The following PPP1R12A variants were observed in gnomAD, a reference collection of about 807,000 sequenced individuals.
The protein encoded by PPP1R12A is myosin binding subunit.
In PPP1R12A, 19 loss-of-function variants were observed where a neutral mutation model predicts 139.6. The ratio of observed to expected loss-of-function variants is 0.14; its 90% CI spans 0.09 to 0.20. The LOEUF is 0.20. PPP1R12A is among the 10% of genes least tolerant of loss of function. PPP1R12A has a pLI of 1.00. For missense variants in PPP1R12A, 925 were observed against 1,211.5 expected (o/e 0.76, Z 3.51); for synonymous variants, 427 against 420.6 (o/e 1.02, Z -0.19).
At chr12:79,822,254 T>G in intron 5 of PPP1R12A, 64 bp from the exon 6 acceptor site, 1 of 1,100,022 alleles carries the variant, frequency 9.1e-7, no homozygotes, top group Non-Finnish European at 1.3e-6. Context: ...ATGCCTTCAG[T>G]AATTCTGTAT....
At chr12:79,897,416 G>A (rs1885229123) in intron 1 of PPP1R12A, among the ~76,000 whole-genome samples, 1 of 152,120 alleles carries the variant, frequency 6.6e-6, no homozygotes, top group South Asian at 2.1e-4. Flanking sequence ...GGGAGAGTGG[G>A]AAGAGTTGAA....
chr12:79,849,279 T>A (rs1020536400), intron 2 of PPP1R12A, among the ~76,000 whole-genome samples: 1 of 151,962 alleles, frequency 6.6e-6, no homozygotes, highest in African/African-American at 2.4e-5. Context: ...TCCCAGCTAC[T>A]TGGAGGCTAA....
chr12:79,929,278 T>G (rs1378615156), intron 1 of PPP1R12A, among the ~76,000 whole-genome samples: 2 of 152,212 alleles, frequency 1.3e-5, no homozygotes. Context: ...CCTCCTGCTG[T>G]GTGGCCTTGT....
intron 22 of PPP1R12A, chr12:79,782,431 G>A: frequency 3.4e-6 from 1 of 294,102 alleles, no homozygotes; most frequent in Non-Finnish European, 6.7e-6. Context: ...AATTCTAGCT[G>A]TACAGCTTTC....
chr12:79,815,139 A>T (rs1875182987), intron 9 of PPP1R12A, among the ~76,000 whole-genome samples: 1 of 152,208 alleles, frequency 6.6e-6, no homozygotes, highest in South Asian at 2.1e-4. Flanking sequence ...CATTGCCATA[A>T]ATGTTGGCTA....
chr12:79,806,331 C>T lies in PPP1R12A; in HGVS notation c.1658G>A (p.Cys553Tyr), dbSNP rs1445738320. The T allele has an allele frequency of 5.6e-6, 9 of 1,612,216 alleles. No homozygotes were observed. Among genetic ancestry groups the T allele is most frequent in the Non-Finnish European group, 6.8e-6 (8 of 1,178,690 alleles). Reference protein sequence around the residue: ...VNEGSTYHKSCSFGRRQDDLI... With the variant: ...VNEGSTYHKSYSFGRRQDDLI... ...ATCATCTTGTCTTCTACCAAAGGAG[C>T]AACTAAACAAAAGAGTCATATCTAT... Residue 553 changes from cysteine (C) to tyrosine (Y), a missense_variant and splice_region_variant, in exon 13 of 25, where the codon TGC becomes TAC. This residue lies in a region of PPP1R12A where 403 missense variants were observed against 463.7 expected (regional missense o/e 0.87). Transcript: ENST00000450142.
chr12:79,895,323 G>GA lies in PPP1R12A; in HGVS notation c.238-22386dup, dbSNP rs201789491. Among the ~76,000 whole-genome samples the GA allele has an allele frequency of 8.5e-3, 1,268 of 148,756 alleles. 19 individuals are homozygous for GA. Among genetic ancestry groups the GA allele is most frequent in the African/African-American group, 0.029 (1,194 of 40,652 alleles). ...CCTGCAGATAATTTCAGGGTTCCTG[G>GA]AAAAAAAAACAGGAGAAACTCTAAG... On this transcript the variant is annotated intron_variant, in intron 1 of 24. Transcript: ENST00000450142.
At chr12:79,799,162 T>G (rs1452967820) in intron 14 of PPP1R12A, among the ~76,000 whole-genome samples, 2 of 152,338 alleles carry the variant, frequency 1.3e-5, no homozygotes, top group South Asian at 2.1e-4. Flanking sequence ...GTTTTGTTTT[T>G]TTTTGAGACA....
At chr12:79,804,566 A>T (rs1873584455) in intron 14 of PPP1R12A, among the ~76,000 whole-genome samples, 1 of 152,170 alleles carries the variant, frequency 6.6e-6, no homozygotes, top group Non-Finnish European at 1.5e-5. Context: ...GCACTTCAGT[A>T]GGCAACAGAG....
intron 2 of PPP1R12A, among the ~76,000 whole-genome samples, chr12:79,868,050 G>A (rs1240167436): frequency 2.6e-5 from 4 of 152,134 alleles, no homozygotes; most frequent in African/African-American, 9.7e-5. Flanking sequence ...TAGTAGAGAT[G>A]AGAAAGTTTC....
chr12:79,887,672 C>T (rs1198030506), intron 1 of PPP1R12A, among the ~76,000 whole-genome samples: 1 of 151,996 alleles, frequency 6.6e-6, no homozygotes, highest in Admixed American at 6.6e-5. Context: ...GGTTCACAAA[C>T]TCAGCTAGAG....
rs1418950334 is a variant in PPP1R12A, at chr12:79,911,658, G to C, written c.237+23037C>G. Among the ~76,000 whole-genome samples, 5 of 151,818 alleles carry C rather than the reference G, an allele frequency of 3.3e-5. No individual in the cohort carries two copies. In the East Asian group the frequency reaches 9.6e-4, roughly 29 times the overall value. The stretch of plus-strand genomic sequence containing the variant: ...AATATCTGTTTTACCTTGTTTAATG[G>C]AGCATCTCCCAAACATATCATAATT... On this transcript the variant is annotated intron_variant, in intron 1 of 24. Coordinates refer to ENST00000450142, the MANE Select transcript of PPP1R12A (RefSeq NM_002480.3).
At chr12:79,865,946 T>C (rs963400198) in intron 2 of PPP1R12A, among the ~76,000 whole-genome samples, 10 of 152,174 alleles carry the variant, frequency 6.6e-5, no homozygotes, top group African/African-American at 2.4e-4. Flanking sequence ...ACTGAGTTTC[T>C]TCACAGAATT....
At chr12:79,864,309 G>A (rs368545645) in intron 2 of PPP1R12A, among the ~76,000 whole-genome samples, 92 of 152,166 alleles carry the variant, frequency 6.0e-4, no homozygotes, top group African/African-American at 2.0e-3. Context: ...AAGACACAAC[G>A]TACCAGAATC....
At chr12:79,807,985 G>A (rs1416296371) in intron 11 of PPP1R12A, among the ~76,000 whole-genome samples, 2 of 151,666 alleles carry the variant, frequency 1.3e-5, no homozygotes, top group Non-Finnish European at 2.9e-5. Context: ...GCAGTGAGCC[G>A]AGATTGCGCC....
At chr12:79,864,759 A>T (rs1881773090) in intron 2 of PPP1R12A, among the ~76,000 whole-genome samples, 1 of 152,226 alleles carries the variant, frequency 6.6e-6, no homozygotes, top group African/African-American at 2.4e-5. Context: ...ACACCCTTCC[A>T]AGATTAAACT....
intron 2 of PPP1R12A, among the ~76,000 whole-genome samples, chr12:79,865,817 G>A (rs545548164): frequency 1.3e-5 from 2 of 152,252 alleles, no homozygotes; most frequent in South Asian, 4.1e-4. Flanking sequence ...GGAAATAAGA[G>A]AGGACACAAA....
At chr12:79,935,121 G>A (rs1413756298), upstream of PPP1R12A, 3 of 1,370,902 alleles carry the variant, frequency 2.2e-6, no homozygotes, top group South Asian at 1.7e-5. Context: ...CGGCCGAGCG[G>A]ACCTCCCTTC....
intron 1 of PPP1R12A, among the ~76,000 whole-genome samples, chr12:79,905,834 C>G (rs1389299430): frequency 6.6e-6 from 1 of 152,046 alleles, no homozygotes; most frequent in Non-Finnish European, 1.5e-5. Flanking sequence ...GAAAACTGTC[C>G]ATAGCTGTAA....
Sources: allele counts gnomAD v4.1 joint callset (sites outside exome capture counted in the v4.1 genomes callset), GRCh38; gene constraint gnomAD v4.1.1; regional missense constraint gnomAD v4.1.1; transcripts MANE v1.5; gene names NCBI Gene and HGNC (gene_info 2026-07-23, HGNC 2026-07-21).